The following NOS2 variants were observed in gnomAD, a reference collection of about 807,000 sequenced individuals.
NOS2 encodes nitric oxide synthase, inducible.
Under a neutral mutation model 136.0 loss-of-function variants are expected in NOS2, and 96 were observed. That is an observed-to-expected ratio of 0.71 (90% CI 0.60 to 0.84). The LOEUF is 0.84. Among genes scored for constraint, NOS2 ranks in the 40% least tolerant of loss-of-function variants. The pLI is 0.00. For missense variants in NOS2, 1,237 were observed against 1,496.9 expected, an observed-to-expected ratio of 0.83 and a Z score of 2.87; for synonymous variants, 539 against 587.5, an observed-to-expected ratio of 0.92 and a Z score of 1.20.
rs1345095413 is a variant in NOS2 at position 27,768,994 on chromosome 17, C to A, written c.2017G>T (p.Ala673Ser). The A allele has an allele frequency of 2.5e-6, 4 of 1,608,294 alleles. No individual in the cohort carries two copies. The highest frequency in any genetic ancestry group is 3.4e-6 in the Non-Finnish European group (4 of 1,177,602). Reference protein sequence around the residue: ...SGQEDAFRSWAVQTFKAACET... With the variant: ...SGQEDAFRSWSVQTFKAACET... ...GAACTGACCTTGAAGGTTTGCACGG[C>A]CCAGCTGCGGAAGGCGTCCTCCTGC... The change falls in exon 17 of 27, where the codon GCC becomes TCC. Residue 673 changes from alanine (A) to serine (S), a missense_variant. Physicochemically the swap from Ala to Ser is moderately conservative, Grantham distance 99. Around this residue, in one of 3 missense-constraint regions of NOS2, gnomAD observed 782 missense variants for 909.9 expected, o/e 0.86. Transcript: ENST00000313735.
At chr17:27,793,402 C>A (rs1330110720) in intron 2 of NOS2, among the ~76,000 whole-genome samples, 1 of 152,152 alleles carries the variant, frequency 6.6e-6, no homozygotes, top group Non-Finnish European at 1.5e-5. Context: ...TTTCTCTGGG[C>A]CGCCTGGGCT....
At chr17:27,765,505 G>A (rs989964865) in intron 20 of NOS2, 30 bp downstream of exon 20, 24 of 1,554,802 alleles carry the variant, frequency 1.5e-5, no homozygotes, top group African/African-American at 4.1e-5. Context: ...AGGGTGCCAG[G>A]CAGCACTGGC....
At chr17:27,767,903 A>T in intron 17 of NOS2, 66 bp from the exon 18 acceptor site, 1 of 1,596,478 alleles carries the variant, frequency 6.3e-7, no homozygotes, top group Non-Finnish European at 8.5e-7. Context: ...CACTGGGGCT[A>T]CCACTTTTTA....
chr17:27,769,707 G>T (rs547285434), intron 15 of NOS2, 123 bp from the exon 16 acceptor site: 32 of 824,404 alleles, frequency 3.9e-5, no homozygotes, highest in African/African-American at 3.5e-4. Flanking sequence ...ACGGAAGTTG[G>T]TTTACATATG....
In NOS2 at chr17:27,769,658, A is replaced by G. The variant is rs1335635219; in HGVS notation, c.1810-74T>C. 4 of 1,308,266 alleles carry G rather than the reference A, an allele frequency of 3.1e-6. No individual in the cohort carries two copies. In the East Asian group the frequency reaches 6.9e-5, roughly 23 times the overall value. 81.0% of individuals were successfully genotyped at this position (1,308,266 alleles called of 1,614,324 possible). On this transcript the variant is annotated intron_variant, in intron 15 of 26. Transcript: ENST00000313735. ...CACTGTTTTTTCCTTTCTTCTGGAA[A>G]CCTGGCCACAGCTTGCAGGAGAAGG...
chr17:27,792,131 A>T (rs1379385603), intron 2 of NOS2, among the ~76,000 whole-genome samples: 1 of 152,258 alleles, frequency 6.6e-6, no homozygotes, highest in Non-Finnish European at 1.5e-5. Context: ...TATCACTTTT[A>T]AAAGTTGGCT....
intron 2 of NOS2, among the ~76,000 whole-genome samples, chr17:27,794,933 C>T (rs1251938742): frequency 6.6e-6 from 1 of 152,136 alleles, no homozygotes; most frequent in Non-Finnish European, 1.5e-5. Context: ...GTAACATCAC[C>T]CCTCCCTCAC....
In NOS2 at chr17:27,760,130, T is replaced by C; in HGVS notation, c.3059A>G (p.Asp1020Gly). 1 of 1,605,808 alleles carries C rather than the reference T, an allele frequency of 6.2e-7. No homozygotes were observed. Among genetic ancestry groups the C allele is most frequent in the Non-Finnish European group, 8.5e-7 (1 of 1,176,320 alleles). Reference protein sequence around the residue: ...MTLVFGCRRPDEDHIYQEEML... With the variant: ...MTLVFGCRRPGEDHIYQEEML... ...CTCCTCCTGGTAGATGTGGTCCTCA[T>C]CTGGGCGGCGGCACCCAAACACCAA... Residue 1020 changes from aspartate (D) to glycine (G), a missense_variant, in exon 25 of 27, where the codon GAT becomes GGT. Asp to Gly is a moderately conservative substitution (Grantham distance 94, BLOSUM62 -1). Coordinates refer to ENST00000313735, the MANE Select transcript of NOS2 (RefSeq NM_000625.4).
chr17:27,783,023 T>A lies in NOS2; in HGVS notation c.551A>T (p.Asp184Val). 1 of 1,614,184 alleles carries A rather than the reference T, an allele frequency of 6.2e-7. No individual in the cohort carries two copies. The highest frequency in any genetic ancestry group is 8.5e-7 in the Non-Finnish European group (1 of 1,180,032). The change falls in exon 6 of 27, where the codon GAT becomes GTT. Residue 184 changes from aspartate (D) to valine (V), a missense_variant. Asp to Val is a radical substitution (Grantham distance 152). Around this residue, in one of 3 missense-constraint regions of NOS2, gnomAD observed 440 missense variants for 545.4 expected, o/e 0.81. Transcript: ENST00000313735. ...CTGCTTGGTGGCGAAGATGAGCTCA[T>A]CTCCCGTCAGTTGGTAGGTTCCTGT... ...ETTGTYQLTG[D>V]ELIFATKQAW...
At chr17:27,798,380 C>T (rs926210818) in intron 2 of NOS2, among the ~76,000 whole-genome samples, 8 of 151,998 alleles carry the variant, frequency 5.3e-5, no homozygotes, top group Admixed American at 6.6e-5. Context: ...CCCACCCCTC[C>T]GCCATGGTGC....
chr17:27,772,494 A>T, intron 13 of NOS2, 42 bp from the exon 14 acceptor site: 1 of 1,606,574 alleles, frequency 6.2e-7, no homozygotes, highest in Middle Eastern at 1.7e-4. Flanking sequence ...GTGCTGAGTC[A>T]GCCTTCCAGA....
At chr17:27,767,657 T>G in intron 18 of NOS2, 48 bp downstream of exon 18, 2 of 1,601,878 alleles carry the variant, frequency 1.2e-6, no homozygotes, top group Middle Eastern at 1.7e-4. Flanking sequence ...GGCTTAGGGC[T>G]CAGACCCCAA....
At chr17:27,766,948 C>T (rs1908321361) in intron 18 of NOS2, among the ~76,000 whole-genome samples, 2 of 129,038 alleles carry the variant, frequency 1.5e-5, no homozygotes, top group South Asian at 2.5e-4. Context: ...TTGCAGTAAG[C>T]GGGAATCGCG....
At chr17:27,777,126 G>A (rs28999390) in intron 11 of NOS2, among the ~76,000 whole-genome samples, 1,769 of 152,296 alleles carry the variant, frequency 0.012, 25 homozygotes, top group African/African-American at 0.04. Flanking sequence ...CCCCTCCCCC[G>A]TCAAGCACAG....
Position 27,780,807 on chromosome 17 carries a change from G to A in NOS2, c.964C>T (p.Pro322Ser). The A allele has an allele frequency of 1.2e-6, 2 of 1,614,202 alleles. No homozygotes were observed. The highest frequency in any genetic ancestry group is 4.5e-5 in the East Asian group (2 of 44,866). The change falls in exon 9 of 27, where the codon CCA (proline) becomes TCA (serine). Residue 322 changes from proline (P) to serine (S), a missense_variant. Around this residue, in one of 3 missense-constraint regions of NOS2, gnomAD observed 440 missense variants for 545.4 expected, o/e 0.81. Transcript: ENST00000313735. Reference protein sequence around the residue: ...NGRDPELFEIPPDLVLEVAME... With the variant: ...NGRDPELFEISPDLVLEVAME... ...GCCACCTCAAGCACAAGGTCAGGTGGGATTTCGAAGAGCTCAGGGTCACGG... is the reference window on the plus strand; with the variant it reads ...GCCACCTCAAGCACAAGGTCAGGTGAGATTTCGAAGAGCTCAGGGTCACGG...
chr17:27,776,412 C>A (rs1039195105), intron 11 of NOS2, among the ~76,000 whole-genome samples: 11 of 152,140 alleles, frequency 7.2e-5, no homozygotes, highest in Admixed American at 5.9e-4. Flanking sequence ...GTGGCTCACA[C>A]CTGTAATCCC....
At chr17:27,766,145 C>T (rs554784102) in intron 19 of NOS2, among the ~76,000 whole-genome samples, 1 of 152,262 alleles carries the variant, frequency 6.6e-6, no homozygotes, top group Non-Finnish European at 1.5e-5. Context: ...CCACAAGGCT[C>T]TTTCCCAGAG....
At chr17:27,769,509 G>A in intron 16 of NOS2, 26 bp downstream of exon 16, 1 of 1,605,590 alleles carries the variant, frequency 6.2e-7, no homozygotes, top group Non-Finnish European at 8.5e-7. Context: ...GCAGGGCTAG[G>A]AGTAGGACAA....
At chr17:27,781,455 T>C (rs1183330924) in intron 7 of NOS2, among the ~76,000 whole-genome samples, 1 of 152,220 alleles carries the variant, frequency 6.6e-6, no homozygotes, top group Non-Finnish European at 1.5e-5. Context: ...AGTTAGCTGG[T>C]TGCCTGTCTA....
Sources: gnomAD v4.1 joint callset for allele counts (sites outside exome capture counted in the v4.1 genomes callset) on GRCh38, gnomAD v4.1.1 for gene constraint, gnomAD v4.1.1 regional missense constraint, MANE v1.5 for transcripts, NCBI Gene and HGNC (gene_info 2026-07-23, HGNC 2026-07-21) for gene names.